ARHGEF4: variants seen among roughly 807,000 people sequenced by gnomAD.
ARHGEF4 encodes the protein APC-stimulated guanine nucleotide exchange factor 1.
In ARHGEF4, 119 loss-of-function variants were observed where a neutral mutation model predicts 162.0. The observed-to-expected ratio is 0.73, with a 90% CI of 0.63 to 0.86. The LOEUF is 0.86. Among genes scored for constraint, ARHGEF4 ranks in the 40% least tolerant of loss-of-function variants. The probability of loss-of-function intolerance (pLI) is 0.00; values close to 1 mark genes in which losing one functional copy is unlikely to be tolerated. For synonymous variants in ARHGEF4, 1,014 were observed against 979.9 expected (o/e 1.03, Z -0.65); for missense variants, 2,488 against 2,456.0 (o/e 1.01, Z -0.28).
chr2:130,888,125 C>A (rs1176367259), intron 1 of ARHGEF4, among the ~76,000 whole-genome samples: 1 of 152,118 alleles, frequency 6.6e-6, no homozygotes, highest in East Asian at 1.9e-4. Context: ...TGCCGTATTC[C>A]TTTTTACTTG....
intron 1 of ARHGEF4, among the ~76,000 whole-genome samples, chr2:130,843,040 G>C (rs1196079542): frequency 6.6e-6 from 1 of 152,174 alleles, no homozygotes; most frequent in Non-Finnish European, 1.5e-5. Context: ...GGTCCTGGCT[G>C]GGTCTTAGCT....
intron 1 of ARHGEF4, among the ~76,000 whole-genome samples, chr2:130,851,700 A>C (rs1001019156): frequency 3.3e-5 from 5 of 152,142 alleles, no homozygotes; most frequent in Non-Finnish European, 7.4e-5. Flanking sequence ...GATCCTTCTG[A>C]CTGCTGCTGT....
At chr2:130,945,641 CAACAAAACAAGA>C (rs1683565410) in intron 3 of ARHGEF4, among the ~76,000 whole-genome samples, 1 of 152,142 alleles carries the variant, frequency 6.6e-6, no homozygotes, top group Non-Finnish European at 1.5e-5. Flanking sequence ...ACCACAGGAA[CAACAAAACAAGA>C]AACTCACCAC....
intron 1 of ARHGEF4, among the ~76,000 whole-genome samples, chr2:130,897,526 C>T (rs1424370109): frequency 2.0e-5 from 3 of 152,174 alleles, no homozygotes; most frequent in South Asian, 2.1e-4. Context: ...CCTGGAGCAG[C>T]GTGAGGGCCA....
intron 4 of ARHGEF4, among the ~76,000 whole-genome samples, chr2:131,019,211 G>A (rs751273742): frequency 4.6e-5 from 7 of 152,096 alleles, no homozygotes; most frequent in Non-Finnish European, 1.0e-4. Flanking sequence ...TTGGGAGTTC[G>A]AGACCAGCCT....
intron 1 of ARHGEF4, among the ~76,000 whole-genome samples, chr2:130,871,556 C>T (rs886213287): frequency 3.4e-5 from 5 of 146,068 alleles, no homozygotes; most frequent in African/African-American, 7.7e-5. Context: ...TATATATATA[C>T]ATATATATAT....
chr2:130,985,551 G>A (rs1201125374), intron 4 of ARHGEF4, among the ~76,000 whole-genome samples: 2 of 151,988 alleles, frequency 1.3e-5, no homozygotes, highest in African/African-American at 2.4e-5. Context: ...ACTAGGGAGG[G>A]GCAAGGAGGC....
intron 4 of ARHGEF4, among the ~76,000 whole-genome samples, chr2:130,966,680 G>T (rs2105207160): frequency 6.6e-6 from 1 of 152,304 alleles, no homozygotes; most frequent in East Asian, 1.9e-4. Context: ...CCGGTCCGGT[G>T]GTGCGTTGGA....
At chr2:131,034,854 G>C in intron 5 of ARHGEF4, 1 of 391,002 alleles carries the variant, frequency 2.6e-6, no homozygotes, top group Non-Finnish European at 3.5e-6. Flanking sequence ...AGCCGCCGCG[G>C]TCCCTCTGAG....
chr2:131,041,616 G>C, intron 9 of ARHGEF4, 154 bp downstream of exon 9: 1 of 1,089,156 alleles, frequency 9.2e-7, no homozygotes, highest in Non-Finnish European at 1.3e-6. Context: ...AATGGGGGAA[G>C]AGGATGCCAA....
intron 11 of ARHGEF4, 98 bp from the exon 12 acceptor site, chr2:131,044,201 C>T (rs1691047004): frequency 6.6e-7 from 1 of 1,518,040 alleles, no homozygotes; most frequent in Middle Eastern, 2.2e-4. Flanking sequence ...GAGGCATCAC[C>T]AGCAGCCCCT....
At chr2:130,906,863 C>T (rs7582579) in intron 1 of ARHGEF4, among the ~76,000 whole-genome samples, 9,332 of 152,140 alleles carry the variant, frequency 0.061, 580 homozygotes, top group East Asian at 0.2. Flanking sequence ...TGGGTTTCCC[C>T]AATGTTCTGG....
rs1362333973 is a variant in ARHGEF4 at position 131,035,297 on chromosome 2, C to T, written c.4126-3556C>T. ...CAGGGCGCCGCGCCGGGGTGAGTGG[C>T]GCGGGCGACGGCACTCCAGCCGTTG... On this transcript the variant is annotated intron_variant, in intron 5 of 13. Transcript: ENST00000409359. 4 of 1,196,278 alleles carry T rather than the reference C, an allele frequency of 3.3e-6. No individual in the cohort carries two copies. In the African/African-American group the frequency reaches 4.8e-5, roughly 14 times the overall value. The allele number at this position is 1,196,278 out of a possible 1,614,324, so 74.1% of individuals were successfully genotyped here.
chr2:130,999,855 A>G (rs913362559), intron 4 of ARHGEF4, among the ~76,000 whole-genome samples: 3 of 152,140 alleles, frequency 2.0e-5, no homozygotes, highest in Admixed American at 2.0e-4. Context: ...GGTGCACACC[A>G]CCACACCTAC....
At chr2:130,906,118 A>G (rs1207781858) in intron 1 of ARHGEF4, among the ~76,000 whole-genome samples, 1 of 152,140 alleles carries the variant, frequency 6.6e-6, no homozygotes, top group African/African-American at 2.4e-5. Context: ...ATTCTTGAGC[A>G]ATTCCATATT....
Position 131,044,359 on chromosome 2 carries a change from G to A in ARHGEF4, c.5218G>A (p.Val1740Met). ...KGRLDMDGLE[V>M]VDLEDGKDRD... is the part of the protein sequence containing the mutation. The stretch of plus-strand genomic sequence containing the variant: ...CCGGCTGGACATGGACGGCCTGGAG[G>A]TGGTGGACCTGGAGGACGGGAAGGA... Residue 1740 changes from valine (V) to methionine (M), a missense_variant, in exon 12 of 14, where the codon GTG becomes ATG. By Grantham distance (21) the Val-to-Met change is conservative. Transcript: ENST00000409359. 1.2e-6 allele frequency: 2 copies of A among 1,605,754 alleles called. No individual in the cohort carries two copies. Among genetic ancestry groups the A allele is most frequent in the Non-Finnish European group, 1.7e-6 (2 of 1,176,510 alleles).
chr2:131,035,367 C>T lies in ARHGEF4; in HGVS notation c.4126-3486C>T, dbSNP rs1013512439. On this transcript the variant is annotated intron_variant, in intron 5 of 13. Transcript: ENST00000409359. ...TGGTCGCGGAGGGAAGGCCTCCTTC[C>T]ACCCCATGTGCTCACTACCAGGGCC... is the stretch of plus-strand genomic sequence containing the variant. 1.3e-5 allele frequency: 13 copies of T among 1,025,972 alleles called. No individual in the cohort carries two copies. In the African/African-American group the frequency reaches 2.2e-4, roughly 17 times the overall value. The allele number at this position is 1,025,972 out of a possible 1,614,324, so 63.6% of individuals were successfully genotyped here.
chr2:130,852,616 C>T (rs1043679338), intron 1 of ARHGEF4, among the ~76,000 whole-genome samples: 4 of 152,144 alleles, frequency 2.6e-5, no homozygotes, highest in African/African-American at 4.8e-5. Flanking sequence ...TAAGGTGGGA[C>T]GCCCTGCACG....
intron 3 of ARHGEF4, among the ~76,000 whole-genome samples, chr2:130,939,561 T>G (rs1683167746): frequency 6.6e-6 from 1 of 152,212 alleles, no homozygotes; most frequent in South Asian, 2.1e-4. Context: ...AACATTGTTT[T>G]ACACGTTCCA....
Sources: allele counts gnomAD v4.1 joint callset (sites outside exome capture counted in the v4.1 genomes callset), GRCh38; gene constraint gnomAD v4.1.1; transcripts MANE v1.5; gene names NCBI Gene and HGNC (gene_info 2026-07-23, HGNC 2026-07-21).